The following ERC1 variants were observed in gnomAD, a reference collection of about 807,000 sequenced individuals.
The protein encoded by ERC1 is RAB6 interacting protein 2.
A neutral mutation model predicts 132.0 loss-of-function variants in ERC1; 56 were observed. The ratio of observed to expected loss-of-function variants is 0.42; its 90% CI spans 0.34 to 0.53. ERC1 has a LOEUF of 0.53. Ranked by LOEUF, ERC1 falls within the 20% of genes least tolerant of loss-of-function variation. The probability of loss-of-function intolerance (pLI) is 0.03; values close to 1 mark genes in which losing one functional copy is unlikely to be tolerated. For missense variants in ERC1, 1,202 were observed against 1,349.9 expected, an observed-to-expected ratio of 0.89 and a Z score of 1.72; for synonymous variants, 478 against 476.1, an observed-to-expected ratio of 1.00 and a Z score of -0.05.
chr12:1,152,593 G>C (rs1382407526), intron 8 of ERC1: 2 of 152,708 alleles, frequency 1.3e-5, no homozygotes, highest in Non-Finnish European at 2.9e-5. Context: ...TGTGGAGTAG[G>C]TGGTGCAAGA....
chr12:1,073,807 C>T (rs1001558902), intron 2 of ERC1, among the ~76,000 whole-genome samples: 1 of 152,172 alleles, frequency 6.6e-6, no homozygotes, highest in Admixed American at 6.5e-5. Flanking sequence ...AACATCATTG[C>T]AAACACATGG....
rs117594899 is a variant in ERC1, at chr12:1,309,068, T to G, written c.2780+19056T>G. 9.2e-4 allele frequency among the ~76,000 whole-genome samples: 140 copies of G among 152,356 alleles called. No individual in the cohort carries two copies. In the East Asian group the frequency reaches 0.021, roughly 23 times the overall value. ...CGGACTGTCACCAGATACTGAATCT[T>G]ACAGCACTTTGATTTTAGGCTTTCC... On this transcript the variant is annotated intron_variant, in intron 15 of 18. Coordinates refer to ENST00000360905, the MANE Select transcript of ERC1 (RefSeq NM_178040.4).
At position 1,235,892 on chromosome 12, in the gene ERC1, A is replaced by G. The variant is rs145839597; in HGVS notation, c.2352-877A>G. Among the ~76,000 whole-genome samples, 251 of 152,332 alleles carry G rather than the reference A, an allele frequency of 1.6e-3. 1 individual carries two copies. Among genetic ancestry groups the G allele is most frequent in the Middle Eastern group, 6.8e-3 (2 of 294 alleles). ...CAGCATTATTTAAAATGGCAAGAAGATGGAAACAATGCAATTGTCATCTTC... is the reference window on the plus strand; with the variant it reads ...CAGCATTATTTAAAATGGCAAGAAGGTGGAAACAATGCAATTGTCATCTTC... On this transcript the variant is annotated intron_variant, in intron 12 of 18. Coordinates refer to ENST00000360905, the MANE Select transcript of ERC1 (RefSeq NM_178040.4).
chr12:1,464,834 T>TA (rs2093712813), intron 18 of ERC1, among the ~76,000 whole-genome samples: 1 of 152,074 alleles, frequency 6.6e-6, no homozygotes, highest in Admixed American at 6.5e-5. Context: ...AAGCCTTTTT[T>TA]AATCTAGTTT....
intron 2 of ERC1, among the ~76,000 whole-genome samples, chr12:1,028,997 C>G (rs1967453934): frequency 6.6e-6 from 1 of 151,816 alleles, no homozygotes; most frequent in South Asian, 2.1e-4. Context: ...TTCTTAAAAA[C>G]AAAACAAAAT....
At chr12:1,353,232 G>T (rs191103912) in intron 15 of ERC1, among the ~76,000 whole-genome samples, 5,588 of 151,890 alleles carry the variant, frequency 0.037, 375 homozygotes, top group African/African-American at 0.13. Flanking sequence ...GGGTTTCACC[G>T]TGTTAGCCAG....
intron 2 of ERC1, among the ~76,000 whole-genome samples, chr12:1,077,661 T>C (rs1941562896): frequency 6.6e-6 from 1 of 152,208 alleles, no homozygotes; most frequent in African/African-American, 2.4e-5. Context: ...TTGCAGTGTG[T>C]CGGGAACAGA....
In ERC1 at chr12:1,447,662, G is replaced by GT. The variant is rs1462785123; in HGVS notation, c.3213+2916dup. Among the ~76,000 whole-genome samples the GT allele has an allele frequency of 4.0e-3, 608 of 150,446 alleles. 4 individuals carry two copies. The highest frequency in any genetic ancestry group is 0.014 in the African/African-American group (571 of 41,126). ...TGTTTTTGTTTTTGTTTTTGTTTTT[G>GT]TTTTGGAGACAGAGTCTCGCTCTGT... On this transcript the variant is annotated intron_variant, in intron 18 of 18. Transcript: ENST00000360905.
At chr12:1,187,797 G>A (rs1423005750) in intron 11 of ERC1, among the ~76,000 whole-genome samples, 1 of 152,118 alleles carries the variant, frequency 6.6e-6, no homozygotes, top group Non-Finnish European at 1.5e-5. Context: ...ATATATAGTG[G>A]TGGACAAGAC....
At chr12:1,221,425 CTAAT>C (rs1313552906) in intron 12 of ERC1, among the ~76,000 whole-genome samples, 9 of 152,152 alleles carry the variant, frequency 5.9e-5, no homozygotes, top group Non-Finnish European at 8.8e-5. Flanking sequence ...TAAGATGAGA[CTAAT>C]TATCCTGCAG....
chr12:1,435,272 C>T (rs1383994925), intron 17 of ERC1, among the ~76,000 whole-genome samples: 3 of 151,948 alleles, frequency 2.0e-5, no homozygotes, highest in Non-Finnish European at 2.9e-5. Flanking sequence ...TTTTTTAGTG[C>T]GTGTGTGGAG....
In ERC1 at chr12:1,171,966, G is replaced by C. The variant is rs566863636; in HGVS notation, c.1738-8574G>C. 5.9e-5 allele frequency among the ~76,000 whole-genome samples: 9 copies of C among 152,274 alleles called. No individual in the cohort carries two copies. The South Asian group carries it at 1.9e-3, about 32-fold the overall frequency. ...TATGCAGATTTGATGAATTCACTCT[G>C]TAGCTTTGCAGTCAGCATTAGACTT... On this transcript the variant is annotated intron_variant, in intron 8 of 18. Coordinates refer to ENST00000360905, the MANE Select transcript of ERC1 (RefSeq NM_178040.4).
intron 7 of ERC1, among the ~76,000 whole-genome samples, chr12:1,138,201 ATG>A (rs1949514458): frequency 4.5e-5 from 5 of 111,962 alleles, no homozygotes; most frequent in Non-Finnish European, 8.7e-5. Context: ...ATAATTATAT[ATG>A]ATATATATTA....
At chr12:1,021,850 T>C (rs1966429601) in intron 1 of ERC1, among the ~76,000 whole-genome samples, 1 of 152,170 alleles carries the variant, frequency 6.6e-6, no homozygotes, top group Non-Finnish European at 1.5e-5. Context: ...ATGTTCATGC[T>C]TGCTGCGCTG....
chr12:1,172,782 A>C (rs1288499835), intron 8 of ERC1, among the ~76,000 whole-genome samples: 2 of 152,016 alleles, frequency 1.3e-5, no homozygotes. Context: ...TTTTAAAACT[A>C]ATTTATGTAA....
rs546398507 is a variant in ERC1 at position 1,104,675 on chromosome 12, C to T, written c.1087-75C>T. 8.1e-5 allele frequency: 80 copies of T among 986,512 alleles called. No individual in the cohort carries two copies. In the East Asian group the frequency reaches 1.2e-3, roughly 15 times the overall value. The allele number at this position is 986,512 out of a possible 1,614,324, so 61.1% of individuals were successfully genotyped here. A position where few individuals can be genotyped will look rare whatever the true frequency, so the allele number is the denominator to read the frequency against. On this transcript the variant is annotated intron_variant, in intron 3 of 18. Coordinates refer to ENST00000360905, the MANE Select transcript of ERC1 (RefSeq NM_178040.4). ...GGCTGTAGTGATCTTTTGCATACAT[C>T]GGCTCTCACTCCTCTTTGAAAAAAA...
chr12:1,028,653 T>A (rs1967334413), intron 2 of ERC1, 81 bp downstream of exon 2: 1 of 1,180,752 alleles, frequency 8.5e-7, no homozygotes, highest in African/African-American at 1.5e-5. Flanking sequence ...TTTCCTAGAT[T>A]TTTCCCTTCG....
intron 15 of ERC1, among the ~76,000 whole-genome samples, chr12:1,369,596 G>A (rs73595982): frequency 2.0e-5 from 3 of 152,144 alleles, no homozygotes; most frequent in Admixed American, 6.5e-5. Context: ...TGAGCTTCCC[G>A]AAAGGGAACA....
intron 13 of ERC1, among the ~76,000 whole-genome samples, chr12:1,243,422 A>G (rs1300610950): frequency 6.6e-6 from 1 of 151,876 alleles, no homozygotes; most frequent in Non-Finnish European, 1.5e-5. Flanking sequence ...TAGGGATGTA[A>G]TGAAACGTGA....
Sources: allele counts gnomAD v4.1 joint callset (sites outside exome capture counted in the v4.1 genomes callset), GRCh38; gene constraint gnomAD v4.1.1; transcripts MANE v1.5; gene names NCBI Gene and HGNC (gene_info 2026-07-23, HGNC 2026-07-21).